The following KLHDC10 variants were observed in gnomAD, a reference collection of about 807,000 sequenced individuals.
KLHDC10 encodes kelch domain-containing protein 10.
KLHDC10 carries 24 observed loss-of-function variants against 56.1 expected under a neutral mutation model. That is an observed-to-expected ratio of 0.43 (90% CI 0.31 to 0.60). The LOEUF is 0.60. Ranked by LOEUF, KLHDC10 falls within the 20% of genes least tolerant of loss-of-function variation. The probability of loss-of-function intolerance (pLI) is 0.11; values close to 1 mark genes in which losing one functional copy is unlikely to be tolerated. For synonymous variants in KLHDC10, 188 were observed against 207.1 expected (o/e 0.91, Z 0.79); for missense variants, 349 against 567.0 (o/e 0.62, Z 3.91).
At chr7:130,070,848 G>A (rs751191128) in intron 1 of KLHDC10, 39 bp downstream of exon 1, 40 of 1,282,334 alleles carry the variant, frequency 3.1e-5, no homozygotes, top group Middle Eastern at 2.2e-4. Context: ...TTGCGGGCGG[G>A]AAGGTGACTG....
intron 1 of KLHDC10, among the ~76,000 whole-genome samples, chr7:130,096,585 C>T (rs546365071): frequency 6.6e-6 from 1 of 152,232 alleles, no homozygotes; most frequent in East Asian, 1.9e-4. Flanking sequence ...TTAAAAATGT[C>T]ATCGTTTCTA....
chr7:130,124,596 A>G (rs10268115), intron 6 of KLHDC10, 61 bp downstream of exon 6: 52,286 of 832,056 alleles, frequency 0.063, 2,282 homozygotes, highest in African/African-American at 0.17. Context: ...GCTTGCGTCA[A>G]CCAAGCAAGA....
At chr7:130,115,383 T>G (rs1396209494) in intron 2 of KLHDC10, among the ~76,000 whole-genome samples, 1 of 150,850 alleles carries the variant, frequency 6.6e-6, no homozygotes, top group Non-Finnish European at 1.5e-5. Context: ...TTGTTTTTTG[T>G]TTTTTTTTAC....
intron 2 of KLHDC10, 35 bp downstream of exon 2, chr7:130,097,042 A>G (rs754190756): frequency 1.4e-6 from 2 of 1,431,580 alleles, no homozygotes; most frequent in African/African-American, 1.4e-5. Flanking sequence ...TGTGCTTCGT[A>G]TGGGTTAAAG....
intron 6 of KLHDC10, among the ~76,000 whole-genome samples, chr7:130,125,509 C>A (rs1237169030): frequency 6.6e-6 from 1 of 151,596 alleles, no homozygotes; most frequent in Non-Finnish European, 1.5e-5. Context: ...CGTCACTACA[C>A]TCCAGCCTGG....
At chr7:130,122,937 A>G (rs1796267341) in intron 5 of KLHDC10, among the ~76,000 whole-genome samples, 1 of 152,148 alleles carries the variant, frequency 6.6e-6, no homozygotes, top group Non-Finnish European at 1.5e-5. Context: ...CCATCCCCAC[A>G]GTGATGCCCA....
At chr7:130,083,749 A>G (rs1795641860) in intron 1 of KLHDC10, among the ~76,000 whole-genome samples, 2 of 152,198 alleles carry the variant, frequency 1.3e-5, no homozygotes, top group Admixed American at 6.5e-5. Context: ...CTCCATCTCA[A>G]AAACAAACAA....
chr7:130,121,958 A>C (rs1796253252), intron 4 of KLHDC10, 96 bp from the exon 5 acceptor site: 1 of 1,018,870 alleles, frequency 9.8e-7, no homozygotes, highest in Non-Finnish European at 1.4e-6. Flanking sequence ...AATACAAGAG[A>C]ATTTCATAAA....
chr7:130,124,689 C>T (rs925765669), intron 6 of KLHDC10, among the ~76,000 whole-genome samples, 154 bp downstream of exon 6: 6 of 152,110 alleles, frequency 3.9e-5, no homozygotes, highest in African/African-American at 2.4e-5. Context: ...TTTATAAGGT[C>T]GAACCCTGTG....
chr7:130,088,280 C>T (rs1186888769), intron 1 of KLHDC10, among the ~76,000 whole-genome samples: 1 of 151,298 alleles, frequency 6.6e-6, no homozygotes, highest in Admixed American at 6.6e-5. Context: ...TGTGTCTTCA[C>T]CTTTTTTTTT....
Position 130,130,141 on chromosome 7 carries a change from C to A in KLHDC10, c.1120-396C>A, listed in dbSNP as rs1486186794. Reference sequence around the variant, plus strand: ...ACCATCCTGGCTAACACGGATGAAACCCCATCTCTACTAAAAATACAAAAA... The same window carrying A: ...ACCATCCTGGCTAACACGGATGAAAACCCATCTCTACTAAAAATACAAAAA... On this transcript the variant is annotated intron_variant, in intron 9 of 9. Transcript: ENST00000335420. The surrounding 1 kb of genome is among the most constrained non-coding windows in gnomAD (Gnocchi z 4.2). Among the ~76,000 whole-genome samples the A allele has an allele frequency of 6.6e-6, 1 of 151,812 alleles. No homozygotes were observed. Among genetic ancestry groups the A allele is most frequent in the African/African-American group, 2.4e-5 (1 of 41,308 alleles).
intron 2 of KLHDC10, among the ~76,000 whole-genome samples, chr7:130,102,715 A>G (rs966071658): frequency 6.6e-6 from 1 of 152,132 alleles, no homozygotes; most frequent in Admixed American, 6.6e-5. Context: ...AATCCTAGCT[A>G]TTCGTGAGGC....
At chr7:130,091,768 TTTTAC>T (rs1228143707) in intron 1 of KLHDC10, among the ~76,000 whole-genome samples, 1 of 152,156 alleles carries the variant, frequency 6.6e-6, no homozygotes, top group Non-Finnish European at 1.5e-5. Context: ...GACTTAAAGG[TTTTAC>T]TGGTTTCTCT....
chr7:130,090,666 A>T (rs968730327), intron 1 of KLHDC10, among the ~76,000 whole-genome samples: 1 of 152,006 alleles, frequency 6.6e-6, no homozygotes, highest in African/African-American at 2.4e-5. Flanking sequence ...AATTTCTTGG[A>T]ATGATAACAT....
At chr7:130,091,094 A>G (rs773444814) in intron 1 of KLHDC10, among the ~76,000 whole-genome samples, 2 of 152,108 alleles carry the variant, frequency 1.3e-5, no homozygotes, top group Admixed American at 6.6e-5. Flanking sequence ...GCTGAAGGAC[A>G]TTGGGATTGC....
chr7:130,121,826 G>A (rs1796251692), intron 4 of KLHDC10, among the ~76,000 whole-genome samples: 1 of 152,184 alleles, frequency 6.6e-6, no homozygotes, highest in African/African-American at 2.4e-5. Context: ...TTGGGAGGTA[G>A]GACTTCCTTT....
At chr7:130,075,048 C>T (rs1398402674) in intron 1 of KLHDC10, among the ~76,000 whole-genome samples, 3 of 152,174 alleles carry the variant, frequency 2.0e-5, no homozygotes, top group South Asian at 2.1e-4. Flanking sequence ...ATGTGTTTGC[C>T]TCATAGGCCA....
At chr7:130,125,844 A>G (rs537199121) in intron 6 of KLHDC10, 21 bp from the exon 7 acceptor site, 77 of 1,565,834 alleles carry the variant, frequency 4.9e-5, no homozygotes, top group Non-Finnish European at 6.4e-5. Flanking sequence ...GTATGTGTAT[A>G]TGTTCTTTTT....
intron 2 of KLHDC10, among the ~76,000 whole-genome samples, chr7:130,098,515 T>A (rs1795883591): frequency 6.6e-6 from 1 of 152,070 alleles, no homozygotes; most frequent in South Asian, 2.1e-4. Flanking sequence ...AAAAATTAGA[T>A]GATTTTAGTA....
Sources: allele counts gnomAD v4.1 joint callset (sites outside exome capture counted in the v4.1 genomes callset), GRCh38; gene constraint gnomAD v4.1.1; non-coding constraint Gnocchi (gnomAD v3.1); transcripts MANE v1.5; gene names NCBI Gene and HGNC (gene_info 2026-07-23, HGNC 2026-07-21).